Variants in CSMD3 observed in about 807,000 individuals in gnomAD.
CSMD3 encodes CUB and Sushi multiple domains 3.
In CSMD3, 177 loss-of-function variants were observed where a neutral mutation model predicts 435.2. That is an observed-to-expected ratio of 0.41 (90% CI 0.36 to 0.46). CSMD3 has a LOEUF of 0.46. Among genes scored for constraint, CSMD3 ranks in the 20% least tolerant of loss-of-function variants. The probability of loss-of-function intolerance (pLI) is 0.34; values close to 1 mark genes in which losing one functional copy is unlikely to be tolerated. For synonymous variants in CSMD3, 1,656 were observed against 1,520.5 expected, an observed-to-expected ratio of 1.09 and a Z score of -2.07; for missense variants, 4,265 against 4,504.6, an observed-to-expected ratio of 0.95 and a Z score of 1.52.
intron 9 of CSMD3, among the ~76,000 whole-genome samples, chr8:112,927,913 C>A (rs887755936): frequency 5.3e-5 from 8 of 152,074 alleles, no homozygotes; most frequent in African/African-American, 1.9e-4. Context: ...TTGTGGAATG[C>A]TTAAGGTCAC....
chr8:112,554,028 G>A (rs950924777), intron 25 of CSMD3, among the ~76,000 whole-genome samples: 205 of 151,486 alleles, frequency 1.4e-3, no homozygotes, highest in Non-Finnish European at 1.9e-3. Context: ...TTCCTGGGGG[G>A]AAAAAAAAGA....
chr8:112,479,474 T>C (rs1277958556), intron 31 of CSMD3, among the ~76,000 whole-genome samples: 1 of 152,120 alleles, frequency 6.6e-6, no homozygotes, highest in Non-Finnish European at 1.5e-5. Context: ...TTGAAGGTAT[T>C]TCAGAGATCT....
intron 41 of CSMD3, among the ~76,000 whole-genome samples, chr8:112,343,963 G>A (rs147384213): frequency 0.04 from 6,055 of 152,020 alleles, 398 homozygotes; most frequent in African/African-American, 0.14. Context: ...GCTCACTGCA[G>A]CCTCCGCCTC....
At chr8:112,227,424 A>C (rs1812674627) in intron 70 of CSMD3, among the ~76,000 whole-genome samples, 1 of 152,186 alleles carries the variant, frequency 6.6e-6, no homozygotes, top group South Asian at 2.1e-4. Flanking sequence ...CAACTTAATA[A>C]GTACAGTTTC....
chr8:112,504,045 C>A (rs2130917906), intron 29 of CSMD3, 68 bp from the exon 30 acceptor site: 1 of 971,566 alleles, frequency 1.0e-6, no homozygotes, highest in Non-Finnish European at 1.6e-6. Context: ...GGCTGTTAAC[C>A]ATAATAGTTA....
intron 1 of CSMD3, among the ~76,000 whole-genome samples, chr8:113,362,087 A>G (rs2132993775): frequency 6.6e-6 from 1 of 152,314 alleles, no homozygotes; most frequent in South Asian, 2.1e-4. Context: ...TTGTAGCTAA[A>G]GTTGATAAGG....
chr8:113,160,265 C>T (rs1413297273), intron 4 of CSMD3, among the ~76,000 whole-genome samples: 1 of 151,604 alleles, frequency 6.6e-6, no homozygotes, highest in East Asian at 1.9e-4. Context: ...TATTATTTTT[C>T]TTCTATATTA....
intron 31 of CSMD3, among the ~76,000 whole-genome samples, chr8:112,489,220 C>T (rs575517278): frequency 2.0e-5 from 3 of 152,024 alleles, no homozygotes; most frequent in East Asian, 3.9e-4. Flanking sequence ...TAGTTCGAGA[C>T]CAGCCTGGGT....
chr8:112,765,866 G>T (rs760241669), intron 13 of CSMD3, among the ~76,000 whole-genome samples: 32 of 151,664 alleles, frequency 2.1e-4, no homozygotes, highest in Non-Finnish European at 3.8e-4. Context: ...TGCTTCACCT[G>T]ACTCTAATAT....
At chr8:113,197,031 T>G (rs542076879) in intron 3 of CSMD3, among the ~76,000 whole-genome samples, 1 of 151,252 alleles carries the variant, frequency 6.6e-6, no homozygotes, top group Non-Finnish European at 1.5e-5. Flanking sequence ...TTTTGTATTT[T>G]AGCCCAGAGT....
At chr8:113,120,851 T>C (rs1298861698) in intron 4 of CSMD3, among the ~76,000 whole-genome samples, 2 of 152,172 alleles carry the variant, frequency 1.3e-5, no homozygotes, top group African/African-American at 2.4e-5. Flanking sequence ...TTTTGGATAA[T>C]ATTTATCTTA....
intron 35 of CSMD3, among the ~76,000 whole-genome samples, chr8:112,394,850 C>G (rs1830732213): frequency 6.6e-6 from 1 of 152,156 alleles, no homozygotes; most frequent in Admixed American, 6.5e-5. Flanking sequence ...TATTCTTATT[C>G]AAAACTATGT....
At chr8:113,397,710 C>T (rs1188440369) in intron 1 of CSMD3, among the ~76,000 whole-genome samples, 2 of 151,592 alleles carry the variant, frequency 1.3e-5, no homozygotes, top group Non-Finnish European at 2.9e-5. Context: ...CCCAGCTACT[C>T]GGGAGGCTGA....
At chr8:113,173,970 TG>T (rs780679059) in intron 3 of CSMD3, 54 bp from the exon 4 acceptor site, 128 of 1,256,956 alleles carry the variant, frequency 1.0e-4, no homozygotes, top group Admixed American at 1.7e-4. Flanking sequence ...AGCAGTTTAT[TG>T]TTTTAGATGT....
At chr8:112,621,402 T>C (rs749769163) in intron 22 of CSMD3, among the ~76,000 whole-genome samples, 14 of 152,086 alleles carry the variant, frequency 9.2e-5, no homozygotes, top group Non-Finnish European at 1.8e-4. Context: ...TAATTCAACT[T>C]TCCCCTCCAG....
chr8:113,202,693 C>T (rs1588267115), intron 3 of CSMD3, among the ~76,000 whole-genome samples: 3 of 152,198 alleles, frequency 2.0e-5, no homozygotes, highest in East Asian at 3.9e-4. Context: ...TTATGTAGTT[C>T]AGGCACACTG....
rs1564342288 is a variant in CSMD3, at chr8:113,124,582, C to T, written c.710-25619G>A. Among the ~76,000 whole-genome samples, 3 of 151,812 alleles carry T rather than the reference C, an allele frequency of 2.0e-5. No homozygotes were observed. In the East Asian group the frequency reaches 5.8e-4, roughly 29 times the overall value. ...AGAATTTCTTATTTCTCCATAAAGG[C>T]TATTTTATTTTTGGTGATATGTTGG... On this transcript the variant is annotated intron_variant, in intron 4 of 70. Coordinates refer to ENST00000297405, the MANE Select transcript of CSMD3 (RefSeq NM_198123.2).
At chr8:112,987,881 A>G (rs2085312225) in intron 6 of CSMD3, among the ~76,000 whole-genome samples, 1 of 151,864 alleles carries the variant, frequency 6.6e-6, no homozygotes, top group South Asian at 2.1e-4. Flanking sequence ...GTTTCCTGAG[A>G]GTCTAGGTCC....
chr8:113,372,183 A>C (rs1431572989), intron 1 of CSMD3, among the ~76,000 whole-genome samples: 1 of 152,146 alleles, frequency 6.6e-6, no homozygotes, highest in African/African-American at 2.4e-5. Context: ...CTAGTTCCCC[A>C]AGGTATTTTG....
Sources: gnomAD v4.1 joint callset for allele counts (sites outside exome capture counted in the v4.1 genomes callset) on GRCh38, gnomAD v4.1.1 for gene constraint, MANE v1.5 for transcripts, NCBI Gene and HGNC (gene_info 2026-07-23, HGNC 2026-07-21) for gene names.